The following GALNT13 variants were observed in gnomAD, a reference collection of about 807,000 sequenced individuals.
GALNT13 encodes the protein polypeptide N-acetylgalactosaminyltransferase 13, also known as UDP-GalNAc:polypeptide N-acetylgalactosaminyltransferase 13.
Under a neutral mutation model 64.2 loss-of-function variants are expected in GALNT13, and 28 were observed. The ratio of observed to expected loss-of-function variants is 0.44; its 90% CI spans 0.32 to 0.60. The LOEUF (loss-of-function observed/expected upper bound fraction) is 0.60. Ranked by LOEUF, GALNT13 falls within the 20% of genes least tolerant of loss-of-function variation. The pLI, the probability that GALNT13 is intolerant of heterozygous loss-of-function variation, is 0.05. For missense variants in GALNT13, 577 were observed against 669.8 expected (o/e 0.86, Z 1.53); for synonymous variants, 214 against 224.6 (o/e 0.95, Z 0.42).
chr2:154,275,287 T>A (rs1010608256), intron 8 of GALNT13, among the ~76,000 whole-genome samples: 1 of 151,888 alleles, frequency 6.6e-6, no homozygotes, highest in African/African-American at 2.4e-5. Flanking sequence ...CCAGGGCATG[T>A]CAGAGACCTT....
At chr2:153,605,221 G>T in the GALNT13 span, among the ~76,000 whole-genome samples, 1 of 152,002 alleles carries the variant, frequency 6.6e-6, no homozygotes, top group Non-Finnish European at 1.5e-5. Context: ...TGTTCTTTTT[G>T]CTATCAGTAG....
chr2:154,068,989 C>T (rs1413842056), intron 3 of GALNT13, among the ~76,000 whole-genome samples: 1 of 151,672 alleles, frequency 6.6e-6, no homozygotes, highest in East Asian at 1.9e-4. Context: ...GCATTGTGTG[C>T]CTATATCAAA....
the GALNT13 span, among the ~76,000 whole-genome samples, chr2:153,367,366 A>G: frequency 2.0e-5 from 3 of 152,120 alleles, no homozygotes; most frequent in African/African-American, 2.4e-5. Flanking sequence ...ACTGTGATCA[A>G]CTAAAAATGT....
chr2:153,163,509 T>A, the GALNT13 span, among the ~76,000 whole-genome samples: 1 of 152,180 alleles, frequency 6.6e-6, no homozygotes, highest in South Asian at 2.1e-4. Context: ...CACTGGTGAA[T>A]CTAGGCCTGG....
chr2:153,930,402 C>G (rs1206117683), intron 2 of GALNT13, among the ~76,000 whole-genome samples: 3 of 152,138 alleles, frequency 2.0e-5, no homozygotes, highest in Non-Finnish European at 4.4e-5. Flanking sequence ...GAAATCTTTG[C>G]TGGGACCTAT....
the GALNT13 span, among the ~76,000 whole-genome samples, chr2:153,134,545 A>G: frequency 2.6e-5 from 4 of 152,154 alleles, no homozygotes; most frequent in Admixed American, 2.6e-4. Flanking sequence ...TTATGAGCAA[A>G]AATAGCCTTG....
the GALNT13 span, among the ~76,000 whole-genome samples, chr2:153,353,815 G>C: frequency 1.3e-5 from 2 of 152,120 alleles, no homozygotes; most frequent in Admixed American, 6.5e-5. Context: ...GTTGTGGTAT[G>C]TAATTCTTTT....
At chr2:154,177,890 A>T (rs1460707747) in intron 4 of GALNT13, among the ~76,000 whole-genome samples, 2 of 152,174 alleles carry the variant, frequency 1.3e-5, no homozygotes, top group Non-Finnish European at 2.9e-5. Context: ...AGGGCCAAGG[A>T]CACACCAACT....
chr2:153,275,917 G>A, the GALNT13 span, among the ~76,000 whole-genome samples: 4 of 152,112 alleles, frequency 2.6e-5, no homozygotes, highest in Non-Finnish European at 5.9e-5. Flanking sequence ...CCCATGAAGA[G>A]TTTAGGAAAG....
At chr2:153,596,471 T>C in the GALNT13 span, among the ~76,000 whole-genome samples, 3 of 152,126 alleles carry the variant, frequency 2.0e-5, no homozygotes, top group East Asian at 5.8e-4. Context: ...ATTTGCAACA[T>C]CGAAATTAGA....
intron 3 of GALNT13, among the ~76,000 whole-genome samples, chr2:153,994,005 T>G (rs948763509): frequency 3.3e-5 from 5 of 152,258 alleles, no homozygotes; most frequent in African/African-American, 1.2e-4. Context: ...CATGTTGGTG[T>G]GCTGCACCCA....
At chr2:154,185,206 A>G (rs567005747) in intron 4 of GALNT13, among the ~76,000 whole-genome samples, 6 of 152,060 alleles carry the variant, frequency 3.9e-5, no homozygotes, top group African/African-American at 1.4e-4. Flanking sequence ...TGGCTGAAAA[A>G]TTTACAGATA....
chr2:154,194,922 T>A (rs1474658818), intron 4 of GALNT13, among the ~76,000 whole-genome samples: 1 of 150,838 alleles, frequency 6.6e-6, no homozygotes. Flanking sequence ...GTTTGTTACA[T>A]AGATATACAT....
chr2:153,647,869 C>A, the GALNT13 span, among the ~76,000 whole-genome samples: 10 of 152,088 alleles, frequency 6.6e-5, no homozygotes, highest in African/African-American at 2.4e-4. Context: ...GTTACTGTAG[C>A]CTTGTAGTGT....
the GALNT13 span, among the ~76,000 whole-genome samples, chr2:153,835,939 G>T: frequency 6.6e-6 from 1 of 151,998 alleles, no homozygotes; most frequent in East Asian, 1.9e-4. Context: ...TGCCATTTTG[G>T]GGGGAATAGT....
the GALNT13 span, among the ~76,000 whole-genome samples, chr2:153,422,382 T>C: frequency 6.6e-6 from 1 of 152,158 alleles, no homozygotes; most frequent in Non-Finnish European, 1.5e-5. Context: ...AGCTATCCCA[T>C]CAGGGGCTGG....
chr2:154,046,276 G>A (rs2105336991), intron 3 of GALNT13, among the ~76,000 whole-genome samples: 1 of 152,256 alleles, frequency 6.6e-6, no homozygotes, highest in African/African-American at 2.4e-5. Context: ...AGGGAGCCCT[G>A]ATCATGCCAC....
the GALNT13 span, among the ~76,000 whole-genome samples, chr2:153,739,126 T>G: frequency 6.6e-6 from 1 of 151,908 alleles, no homozygotes; most frequent in Non-Finnish European, 1.5e-5. Context: ...GACTCTAATG[T>G]GTTTATAACT....
chr2:153,773,077 G>A, the GALNT13 span, among the ~76,000 whole-genome samples: 1 of 152,340 alleles, frequency 6.6e-6, no homozygotes, highest in Non-Finnish European at 1.5e-5. Flanking sequence ...CACTGCAGTT[G>A]CCCCTGATTG....
Sources: gnomAD v4.1 joint callset for allele counts (sites outside exome capture counted in the v4.1 genomes callset) on GRCh38, gnomAD v4.1.1 for gene constraint, MANE v1.5 for transcripts, NCBI Gene and HGNC (gene_info 2026-07-23, HGNC 2026-07-21) for gene names.